The following GPR149 variants were observed in gnomAD, a reference collection of about 807,000 sequenced individuals.
GPR149 encodes probable G protein-coupled receptor 149.
In GPR149, 50 loss-of-function variants were observed where a neutral mutation model predicts 50.2. The observed-to-expected ratio is 1.00, with a 90% CI of 0.79 to 1.26. GPR149 has a LOEUF of 1.26. GPR149 is among the 50% of genes most tolerant of loss of function. GPR149 has a pLI of 0.00. For missense variants in GPR149, 983 were observed against 895.4 expected (o/e 1.10, Z -1.25); for synonymous variants, 405 against 358.2 (o/e 1.13, Z -1.48).
At chr3:154,402,449 T>TAAATAAATAA (rs1553766101) in intron 3 of GPR149, among the ~76,000 whole-genome samples, 72 of 56,320 alleles carry the variant, frequency 1.3e-3, no homozygotes, top group Middle Eastern at 0.011. Flanking sequence ...TAAATAAATA[T>TAAATAAATAA]AGAATAGAAA....
intron 3 of GPR149, among the ~76,000 whole-genome samples, chr3:154,413,197 T>C (rs1031348962): frequency 6.6e-6 from 1 of 152,002 alleles, no homozygotes; most frequent in Admixed American, 6.6e-5. Context: ...GCCATAAATA[T>C]TCTATAGGAT....
intron 3 of GPR149, among the ~76,000 whole-genome samples, chr3:154,347,807 C>A (rs930607173): frequency 1.3e-5 from 2 of 151,962 alleles, no homozygotes; most frequent in Non-Finnish European, 2.9e-5. Context: ...GAAGGGAGCA[C>A]CAATAGAAGG....
chr3:154,356,004 G>A (rs59204566), intron 3 of GPR149, among the ~76,000 whole-genome samples: 1,661 of 152,222 alleles, frequency 0.011, 31 homozygotes, highest in African/African-American at 0.038. Flanking sequence ...AAACTAAAAA[G>A]CAAATTTAAA....
Position 154,377,992 on chromosome 3 carries a change from A to G in GPR149, c.1624-39721T>C, listed in dbSNP as rs189022856. The stretch of plus-strand genomic sequence containing the variant: ...GGGTCTGGCTTCTCTTACTTTGCAT[A>G]CTGTTTTTGAAGTTTTTCATGTGGT... On this transcript the variant is annotated intron_variant, in intron 3 of 3. Coordinates refer to ENST00000389740, the MANE Select transcript of GPR149 (RefSeq NM_001038705.3). Among the ~76,000 whole-genome samples, 27 of 151,404 alleles carry G rather than the reference A, an allele frequency of 1.8e-4. No individual in the cohort carries two copies. In the East Asian group the frequency reaches 5.0e-3, roughly 28 times the overall value.
At position 154,337,561 on chromosome 3, in the gene GPR149, C is replaced by T. The variant is rs1189981177; in HGVS notation, c.*138G>A. On this transcript the variant is annotated 3_prime_UTR_variant, in exon 4 of 4. Transcript: ENST00000389740. ...AGTGTTTACACTAGTTCCAGTTGTTCCCACAAAAAAATTAACTATTAAATC... is the reference window on the plus strand; with the variant it reads ...AGTGTTTACACTAGTTCCAGTTGTTTCCACAAAAAAATTAACTATTAAATC... The T allele has an allele frequency of 1.4e-5, 9 of 650,462 alleles. No homozygotes were observed. The highest frequency in any genetic ancestry group is 1.0e-5 in the Non-Finnish European group (4 of 396,726). The allele number at this position is 650,462 out of a possible 1,614,324, so 40.3% of individuals were successfully genotyped here.
intron 3 of GPR149, among the ~76,000 whole-genome samples, chr3:154,381,534 G>A (rs1051136567): frequency 7.9e-5 from 12 of 152,034 alleles, no homozygotes; most frequent in African/African-American, 2.7e-4. Flanking sequence ...TCTGTTAGTC[G>A]TCAAGTTTTT....
rs1019163645 is a variant in GPR149 at position 154,349,008 on chromosome 3, A to G, written c.1624-10737T>C. On this transcript the variant is annotated intron_variant, in intron 3 of 3. Transcript: ENST00000389740. ...GAATCTCCAAGCCCTTGGAAACTAA[A>G]CACTTCTAAATCATCTAAGAGTTAA... 3.3e-5 allele frequency among the ~76,000 whole-genome samples: 5 copies of G among 152,246 alleles called. 1 individual carries two copies. Among genetic ancestry groups the G allele is most frequent in the Admixed American group, 6.5e-5 (1 of 15,286 alleles).
chr3:154,378,912 G>T (rs1168259763), intron 3 of GPR149, among the ~76,000 whole-genome samples: 2 of 151,938 alleles, frequency 1.3e-5, no homozygotes, highest in Non-Finnish European at 2.9e-5. Context: ...TAGGTTGTCT[G>T]GTTTGTAAGA....
At chr3:154,368,089 C>T (rs761708021) in intron 3 of GPR149, among the ~76,000 whole-genome samples, 7 of 152,122 alleles carry the variant, frequency 4.6e-5, no homozygotes, top group Non-Finnish European at 1.0e-4. Flanking sequence ...GTGGTGGTCC[C>T]GAAGTACACC....
intron 3 of GPR149, among the ~76,000 whole-genome samples, chr3:154,344,978 A>G (rs1713888411): frequency 6.6e-6 from 1 of 152,262 alleles, no homozygotes; most frequent in South Asian, 2.1e-4. Context: ...GTCCTGCAAC[A>G]GACCATCTTT....
chr3:154,359,190 TAA>T (rs1714323021), intron 3 of GPR149, among the ~76,000 whole-genome samples: 1 of 152,210 alleles, frequency 6.6e-6, no homozygotes, highest in Non-Finnish European at 1.5e-5. Flanking sequence ...AATAATTTGA[TAA>T]GTTTAATATT....
chr3:154,387,501 G>T (rs933453788), intron 3 of GPR149, among the ~76,000 whole-genome samples: 1 of 152,168 alleles, frequency 6.6e-6, no homozygotes, highest in Non-Finnish European at 1.5e-5. Flanking sequence ...AGGTTGAAAT[G>T]CAGTGAGCCT....
chr3:154,386,973 CTT>C lies in GPR149; in HGVS notation c.1623+34064_1623+34065del, dbSNP rs34303487. ...GAAGGAGCTAAAGTATATTTTTCTC[CTT>C]TTTTTTTCCCTATTAAGGGAAATAG... On this transcript the variant is annotated intron_variant, in intron 3 of 3. Transcript: ENST00000389740. Among the ~76,000 whole-genome samples the C allele has an allele frequency of 5.3e-5, 8 of 151,726 alleles. No homozygotes were observed. The South Asian group carries it at 1.3e-3, about 24-fold the overall frequency.
intron 3 of GPR149, among the ~76,000 whole-genome samples, chr3:154,371,051 A>C (rs750683304): frequency 1.8e-4 from 28 of 152,226 alleles, no homozygotes; most frequent in Non-Finnish European, 3.2e-4. Context: ...ATGCCCATCC[A>C]GTCCAAATCA....
chr3:154,417,053 A>G (rs1330442444), intron 3 of GPR149, among the ~76,000 whole-genome samples: 1 of 151,986 alleles, frequency 6.6e-6, no homozygotes, highest in Non-Finnish European at 1.5e-5. Context: ...CCCACAAGCC[A>G]GCCAATTATT....
intron 3 of GPR149, among the ~76,000 whole-genome samples, chr3:154,375,468 T>G (rs2108403579): frequency 6.6e-6 from 1 of 152,316 alleles, no homozygotes; most frequent in East Asian, 1.9e-4. Context: ...AACATTATTT[T>G]TACCAGAGGA....
At chr3:154,354,371 A>G (rs1323166934) in intron 3 of GPR149, 2 of 214,656 alleles carry the variant, frequency 9.3e-6, no homozygotes, top group East Asian at 1.6e-4. Flanking sequence ...TGATAAGGTC[A>G]GGGGGTAGAT....
intron 3 of GPR149, among the ~76,000 whole-genome samples, chr3:154,413,773 T>C (rs1711908231): frequency 1.3e-5 from 2 of 151,918 alleles, no homozygotes; most frequent in Admixed American, 6.6e-5. Context: ...AAAAGTGATA[T>C]ACCATTTGAT....
At chr3:154,415,381 A>G (rs1326695846) in intron 3 of GPR149, among the ~76,000 whole-genome samples, 1 of 151,968 alleles carries the variant, frequency 6.6e-6, no homozygotes, top group South Asian at 2.1e-4. Flanking sequence ...CACAAAATGT[A>G]CTATGAAATA....
Sources: allele counts gnomAD v4.1 joint callset (sites outside exome capture counted in the v4.1 genomes callset), GRCh38; gene constraint gnomAD v4.1.1; transcripts MANE v1.5; gene names NCBI Gene and HGNC (gene_info 2026-07-23, HGNC 2026-07-21).